Variants in RFTN2 observed in about 807,000 individuals in gnomAD.
RFTN2 encodes the protein raftlin-2.
In RFTN2, 34 loss-of-function variants were observed where a neutral mutation model predicts 52.7. That is an observed-to-expected ratio of 0.64 (90% CI 0.49 to 0.86). The LOEUF (loss-of-function observed/expected upper bound fraction) is 0.86, where lower values mean the gene tolerates loss of function less well. Among genes scored for constraint, RFTN2 ranks in the 40% least tolerant of loss-of-function variants. RFTN2 has a pLI of 0.00. For synonymous variants in RFTN2, 203 were observed against 217.7 expected, an observed-to-expected ratio of 0.93 and a Z score of 0.59; for missense variants, 536 against 600.1, an observed-to-expected ratio of 0.89 and a Z score of 1.12.
chr2:197,576,483 A>G (rs1417002902), intron 8 of RFTN2, among the ~76,000 whole-genome samples: 1 of 152,210 alleles, frequency 6.6e-6, no homozygotes, highest in Admixed American at 6.5e-5. Flanking sequence ...AAATTCATTT[A>G]TATGTTATTT....
chr2:197,631,568 A>G (rs755378157), intron 4 of RFTN2, among the ~76,000 whole-genome samples: 7 of 152,236 alleles, frequency 4.6e-5, no homozygotes, highest in Non-Finnish European at 8.8e-5. Flanking sequence ...TAAAAATGGT[A>G]TCCTACTGTA....
chr2:197,575,114 T>G (rs998726343), intron 8 of RFTN2, among the ~76,000 whole-genome samples: 2 of 152,130 alleles, frequency 1.3e-5, no homozygotes, highest in Non-Finnish European at 2.9e-5. Flanking sequence ...ATGCTGTTCT[T>G]GTAATAGTGA....
At chr2:197,626,821 C>T (rs1040458345) in intron 5 of RFTN2, among the ~76,000 whole-genome samples, 9 of 151,598 alleles carry the variant, frequency 5.9e-5, no homozygotes, top group Admixed American at 4.6e-4. Context: ...GGTTTCACTA[C>T]GTTGGCCAGG....
At position 197,665,517 on chromosome 2, in the gene RFTN2, C is replaced by CTTTTTTTTTTTTTT; in HGVS notation, c.139+9789_139+9802dup. Among the ~76,000 whole-genome samples the CTTTTTTTTTTTTTT allele has an allele frequency of 1.6e-3, 67 of 41,462 alleles. 7 individuals carry two copies. Among genetic ancestry groups the CTTTTTTTTTTTTTT allele is most frequent in the African/African-American group, 8.1e-3 (57 of 7,060 alleles). 27.2% of individuals were successfully genotyped at this position (41,462 alleles called of 152,430 possible). On this transcript the variant is annotated intron_variant, in intron 1 of 8. Coordinates refer to ENST00000295049, the MANE Select transcript of RFTN2 (RefSeq NM_144629.3). ...ATTCCTTTATCATTATGTACCTTGC[C>CTTTTTTTTTTTTTT]TTTTTTTTTTTTTTTTACTGTTTTC...
intron 1 of RFTN2, among the ~76,000 whole-genome samples, chr2:197,657,190 C>T (rs189610135): frequency 6.6e-6 from 1 of 151,978 alleles, no homozygotes; most frequent in African/African-American, 2.4e-5. Flanking sequence ...TTAAGAAAAC[C>T]CCTAAATCCA....
intron 3 of RFTN2, among the ~76,000 whole-genome samples, chr2:197,639,358 G>A (rs898223765): frequency 1.3e-5 from 2 of 151,664 alleles, no homozygotes; most frequent in African/African-American, 2.4e-5. Flanking sequence ...TCCATTCTCC[G>A]CATCACTTTC....
intron 5 of RFTN2, among the ~76,000 whole-genome samples, chr2:197,627,419 A>G (rs1264166230): frequency 4.6e-5 from 7 of 152,258 alleles, no homozygotes; most frequent in East Asian, 3.8e-4. Context: ...GCCCGATGCC[A>G]TACGGCTAGC....
Position 197,639,149 on chromosome 2 carries a change from C to A in RFTN2, c.438+5009G>T, listed in dbSNP as rs1239645324. 1.9e-4 allele frequency among the ~76,000 whole-genome samples: 27 copies of A among 144,458 alleles called. 1 individual carries two copies. Among genetic ancestry groups the A allele is most frequent in the African/African-American group, 6.5e-4 (25 of 38,678 alleles). 94.8% of individuals were successfully genotyped at this position (144,458 alleles called of 152,430 possible). On this transcript the variant is annotated intron_variant, in intron 3 of 8. Coordinates refer to ENST00000295049, the MANE Select transcript of RFTN2 (RefSeq NM_144629.3). ...GGCTTCCCTTTGAGGGTAACCTGAC[C>A]TTTCTCTCTGGCTGCCCTTAACATT...
intron 8 of RFTN2, among the ~76,000 whole-genome samples, chr2:197,584,107 G>C (rs973741621): frequency 8.5e-5 from 13 of 152,116 alleles, no homozygotes; most frequent in Non-Finnish European, 1.9e-4. Context: ...GTGTCTTCAT[G>C]GCAGCATGAT....
intron 8 of RFTN2, among the ~76,000 whole-genome samples, chr2:197,582,911 G>A (rs530257697): frequency 3.3e-5 from 5 of 152,126 alleles, no homozygotes; most frequent in Admixed American, 6.5e-5. Context: ...TGTCCCTCAC[G>A]GCCAGTTTTT....
intron 4 of RFTN2, among the ~76,000 whole-genome samples, chr2:197,631,982 T>C (rs193283128): frequency 4.7e-4 from 72 of 152,272 alleles, no homozygotes; most frequent in African/African-American, 1.7e-3. Context: ...CTCTTCTAAT[T>C]AAAAACCACT....
At chr2:197,576,813 C>T (rs2087427523) in intron 8 of RFTN2, among the ~76,000 whole-genome samples, 1 of 152,114 alleles carries the variant, frequency 6.6e-6, no homozygotes. Flanking sequence ...GGCAGCTCAT[C>T]TTTTTCTTGG....
At chr2:197,594,338 T>A (rs1056745561) in intron 8 of RFTN2, among the ~76,000 whole-genome samples, 1 of 151,746 alleles carries the variant, frequency 6.6e-6, no homozygotes, top group Admixed American at 6.6e-5. Context: ...ATTTAATTAA[T>A]TTTTTTTGAG....
intron 8 of RFTN2, among the ~76,000 whole-genome samples, chr2:197,590,790 G>T (rs946060501): frequency 1.3e-5 from 2 of 152,200 alleles, no homozygotes; most frequent in Non-Finnish European, 2.9e-5. Flanking sequence ...CGTTCCTCCC[G>T]GTGGGTTCGT....
At chr2:197,608,424 G>A (rs1050715760) in intron 7 of RFTN2, among the ~76,000 whole-genome samples, 18 of 150,646 alleles carry the variant, frequency 1.2e-4, no homozygotes, top group African/African-American at 3.9e-4. Context: ...TGATTCTCGT[G>A]CCTCAGCCTC....
chr2:197,623,802 A>T (rs2088306752), intron 5 of RFTN2, among the ~76,000 whole-genome samples: 1 of 152,054 alleles, frequency 6.6e-6, no homozygotes. Flanking sequence ...GAGTAGCTGG[A>T]ATTACAGGCG....
At chr2:197,632,606 A>G (rs2088484642) in intron 4 of RFTN2, among the ~76,000 whole-genome samples, 1 of 152,196 alleles carries the variant, frequency 6.6e-6, no homozygotes, top group Non-Finnish European at 1.5e-5. Context: ...ACAGACTAAT[A>G]CACATTCCTA....
intron 1 of RFTN2, among the ~76,000 whole-genome samples, chr2:197,663,870 T>A (rs1299102146): frequency 1.3e-5 from 2 of 152,176 alleles, no homozygotes; most frequent in Non-Finnish European, 2.9e-5. Context: ...CTTTTCTAGT[T>A]CTTTCAGGTA....
intron 1 of RFTN2, among the ~76,000 whole-genome samples, chr2:197,651,300 C>T (rs912534426): frequency 1.6e-4 from 25 of 151,948 alleles, no homozygotes; most frequent in Non-Finnish European, 4.4e-5. Context: ...ACTTTTTTTG[C>T]CTGTGCTTTG....
Sources: gnomAD v4.1 joint callset for allele counts (sites outside exome capture counted in the v4.1 genomes callset) on GRCh38, gnomAD v4.1.1 for gene constraint, MANE v1.5 for transcripts, NCBI Gene and HGNC (gene_info 2026-07-23, HGNC 2026-07-21) for gene names.